The following MEAF6 variants were observed in gnomAD, a reference collection of about 807,000 sequenced individuals.
MEAF6 encodes MYST/Esa1 associated factor 6, also known as chromatin modification-related protein MEAF6.
A neutral mutation model predicts 28.9 loss-of-function variants in MEAF6; 15 were observed. The ratio of observed to expected loss-of-function variants is 0.52; its 90% CI spans 0.35 to 0.80. MEAF6 has a LOEUF of 0.80. Ranked by LOEUF, MEAF6 falls within the 30% of genes least tolerant of loss-of-function variation. The pLI is 0.01. For synonymous variants in MEAF6, 97 were observed against 88.7 expected (o/e 1.09, Z -0.53); for missense variants, 178 against 237.5 (o/e 0.75, Z 1.65).
In MEAF6 at chr1:37,491,718, A is replaced by AT. The variant is rs1641935687; in HGVS notation, c.*2380dup. Among the ~76,000 whole-genome samples, 1 of 150,570 alleles carries AT rather than the reference A, an allele frequency of 6.6e-6. No homozygotes were observed. Among genetic ancestry groups the AT allele is most frequent in the Non-Finnish European group, 1.5e-5 (1 of 67,714 alleles). On this transcript the variant is annotated 3_prime_UTR_variant, in exon 7 of 7. Coordinates refer to ENST00000296214, the MANE Select transcript of MEAF6 (RefSeq NM_001270875.3). ...TGTCAATAAATAAATAAATAAATAAATAAATAAATAAAATATATAAATACT... is the reference window on the plus strand; with the variant it reads ...TGTCAATAAATAAATAAATAAATAAATTAAATAAATAAAATATATAAATACT...
At chr1:37,497,141 T>C (rs781613743) in intron 5 of MEAF6, among the ~76,000 whole-genome samples, 2 of 152,214 alleles carry the variant, frequency 1.3e-5, no homozygotes, top group Non-Finnish European at 2.9e-5. Context: ...CTCAGCATAA[T>C]ATACTTTCAC....
chr1:37,514,761 G>C lies in MEAF6; in HGVS notation c.-15C>G. The C allele has an allele frequency of 7.0e-7, 1 of 1,433,596 alleles. No individual in the cohort carries two copies. Among genetic ancestry groups the C allele is most frequent in the Non-Finnish European group, 9.2e-7 (1 of 1,091,838 alleles). The allele number at this position is 1,433,596 out of a possible 1,614,324, so 88.8% of individuals were successfully genotyped here. On this transcript the variant is annotated 5_prime_UTR_variant, in exon 1 of 7. Coordinates refer to ENST00000296214, the MANE Select transcript of MEAF6 (RefSeq NM_001270875.3). Reference sequence around the variant, plus strand: ...TGCATCGCCATGTTGGGCTGAGGCGGGCGGCGGCGGCGCGAGGTTGGGGGC... The same window carrying C: ...TGCATCGCCATGTTGGGCTGAGGCGCGCGGCGGCGGCGCGAGGTTGGGGGC...
chr1:37,513,702 A>G lies in MEAF6; in HGVS notation c.91-164T>C, dbSNP rs548963260. Reference sequence around the variant, plus strand: ...CGGGGAGGAGGAGCCGTTTAGGACTAAGACAGTCTAGACCTTTGGGGGTGA... The same window carrying G: ...CGGGGAGGAGGAGCCGTTTAGGACTGAGACAGTCTAGACCTTTGGGGGTGA... On this transcript the variant is annotated intron_variant, in intron 1 of 6. Coordinates refer to ENST00000296214, the MANE Select transcript of MEAF6 (RefSeq NM_001270875.3). 6.9e-5 allele frequency: 44 copies of G among 640,738 alleles called. No homozygotes were observed. In the African/African-American group the frequency reaches 7.2e-4, roughly 11 times the overall value. The allele number at this position is 640,738 out of a possible 1,614,324, so 39.7% of individuals were successfully genotyped here.
chr1:37,513,318 A>C, intron 2 of MEAF6, 105 bp downstream of exon 2: 1 of 771,512 alleles, frequency 1.3e-6, no homozygotes, highest in Non-Finnish European at 2.3e-6. Context: ...AGATCACACC[A>C]CTACTTTACT....
Position 37,495,691 on chromosome 1 carries a change from AAAAAACAAAAAAC to A in MEAF6, c.567+181_567+193del, listed in dbSNP as rs1160940808. On this transcript the variant is annotated intron_variant, in intron 6 of 6. Transcript: ENST00000296214. ...GAGCAAGAAACTGTCTCTCAAAAAAAAAAAACAAAAAACAAAAAAAAAAAAAAACAAAAAAACC... is the reference window on the plus strand; with the variant it reads ...GAGCAAGAAACTGTCTCTCAAAAAAAAAAAAAAAAAAAAAACAAAAAAACC... Among the ~76,000 whole-genome samples the A allele has an allele frequency of 5.6e-4, 61 of 109,272 alleles. 1 individual carries two copies. The highest frequency in any genetic ancestry group is 1.9e-3 in the African/African-American group (59 of 31,398). 71.7% of individuals were successfully genotyped at this position (109,272 alleles called of 152,430 possible).
At position 37,492,302 on chromosome 1, in the gene MEAF6, A is replaced by G. The variant is rs928126000; in HGVS notation, c.*1797T>C. On this transcript the variant is annotated 3_prime_UTR_variant, in exon 7 of 7. Transcript: ENST00000296214. ...TTCGGCCTCCCAAAGTGCTGGGATT[A>G]CAGGTGTGAGCCACCGCACCCAGCC... Among the ~76,000 whole-genome samples, 5 of 152,016 alleles carry G rather than the reference A, an allele frequency of 3.3e-5. No homozygotes were observed. Among genetic ancestry groups the G allele is most frequent in the Non-Finnish European group, 5.9e-5 (4 of 67,998 alleles).
chr1:37,509,053 T>C (rs1473805042), intron 4 of MEAF6, among the ~76,000 whole-genome samples: 1 of 152,178 alleles, frequency 6.6e-6, no homozygotes, highest in Non-Finnish European at 1.5e-5. Context: ...ACTATGATCA[T>C]GCCACTGTAC....
rs1038176656 is a variant in MEAF6, at chr1:37,491,323, G to A, written c.*2776C>T. On this transcript the variant is annotated 3_prime_UTR_variant, in exon 7 of 7. Transcript: ENST00000296214. ...AGTTCGAGACCAGCCTGCCCATCAT[G>A]GCAAAACCCCATCTCCACTAAAAAT... Among the ~76,000 whole-genome samples, 1 of 152,104 alleles carries A rather than the reference G, an allele frequency of 6.6e-6. No individual in the cohort carries two copies. The highest frequency in any genetic ancestry group is 6.6e-5 in the Admixed American group (1 of 15,266).
At chr1:37,501,133 C>T (rs1008793004) in intron 5 of MEAF6, 5 of 152,930 alleles carry the variant, frequency 3.3e-5, no homozygotes, top group African/African-American at 1.2e-4. Context: ...GAAACCCTCT[C>T]TGGGTGACAC....
chr1:37,508,648 A>G (rs1041404798), intron 4 of MEAF6, among the ~76,000 whole-genome samples: 1 of 151,962 alleles, frequency 6.6e-6, no homozygotes, highest in Admixed American at 6.6e-5. Flanking sequence ...TATATTTGAA[A>G]TTTTCCATAA....
At chr1:37,511,226 G>C (rs1642659503) in intron 2 of MEAF6, among the ~76,000 whole-genome samples, 1 of 152,184 alleles carries the variant, frequency 6.6e-6, no homozygotes, top group African/African-American at 2.4e-5. Context: ...TACTCCAAAA[G>C]TAATAGGGTC....
rs910833177 is a variant in MEAF6 at position 37,491,913 on chromosome 1, TTC to T, written c.*2184_*2185del. ...ATCTTTTTAAGAGCAGTACTATTCT[TTC>T]TTTTTTTTTTTTTTTTTGACAGAGT... On this transcript the variant is annotated 3_prime_UTR_variant, in exon 7 of 7. Coordinates refer to ENST00000296214, the MANE Select transcript of MEAF6 (RefSeq NM_001270875.3). Among the ~76,000 whole-genome samples, 2 of 141,694 alleles carry T rather than the reference TTC, an allele frequency of 1.4e-5. No homozygotes were observed. The highest frequency in any genetic ancestry group is 5.2e-5 in the African/African-American group (2 of 38,160). The allele number at this position is 141,694 out of a possible 152,430, so 93.0% of individuals were successfully genotyped here.
At chr1:37,504,930 C>A (rs149255420) in intron 4 of MEAF6, among the ~76,000 whole-genome samples, 51 of 151,978 alleles carry the variant, frequency 3.4e-4, no homozygotes, top group Middle Eastern at 6.8e-3. Flanking sequence ...CACGCCCAGG[C>A]TGGAGTACAG....
At chr1:37,511,328 A>G (rs1642663867) in intron 2 of MEAF6, among the ~76,000 whole-genome samples, 1 of 152,232 alleles carries the variant, frequency 6.6e-6, no homozygotes. Context: ...GAAGTCAAAA[A>G]AGGAAGACTC....
intron 2 of MEAF6, among the ~76,000 whole-genome samples, chr1:37,510,109 G>A (rs1293402783): frequency 1.6e-5 from 2 of 127,052 alleles, no homozygotes; most frequent in Non-Finnish European, 3.2e-5. Flanking sequence ...ACGCAGTCTC[G>A]CCCTGTCACC....
intron 4 of MEAF6, among the ~76,000 whole-genome samples, chr1:37,502,618 T>TTA (rs1167106077): frequency 6.8e-6 from 1 of 146,994 alleles, no homozygotes. Context: ...CGTAAGTCTT[T>TTA]TTTTTTTTTT....
intron 3 of MEAF6, 28 bp downstream of exon 3, chr1:37,509,427 G>T (rs536826522): frequency 6.2e-7 from 1 of 1,611,456 alleles, no homozygotes; most frequent in South Asian, 1.1e-5. Context: ...ACAGGCCAAA[G>T]AAAGATTCCC....
chr1:37,496,807 GCCACC>G, intron 5 of MEAF6: 1 of 1,494,498 alleles, frequency 6.7e-7, no homozygotes, highest in Non-Finnish European at 9.0e-7. Flanking sequence ...TAGTCGATTA[GCCACC>G]CTAGCAAGAA....
chr1:37,509,170 G>A, intron 4 of MEAF6, 108 bp downstream of exon 4: 1 of 1,011,284 alleles, frequency 9.9e-7, no homozygotes, highest in Non-Finnish European at 1.5e-6. Flanking sequence ...AGGGAAAAGG[G>A]AAGAGCATAA....
Sources: gnomAD v4.1 joint callset for allele counts (sites outside exome capture counted in the v4.1 genomes callset) on GRCh38, gnomAD v4.1.1 for gene constraint, MANE v1.5 for transcripts, NCBI Gene and HGNC (gene_info 2026-07-23, HGNC 2026-07-21) for gene names.